Variants in WDR7 observed in about 807,000 individuals in gnomAD.
WDR7 encodes WD repeat-containing protein 7.
WDR7 carries 46 observed loss-of-function variants against 169.4 expected under a neutral mutation model. That is an observed-to-expected ratio of 0.27 (90% CI 0.21 to 0.35). The LOEUF (loss-of-function observed/expected upper bound fraction) is 0.35. Ranked by LOEUF, WDR7 falls within the 10% of genes least tolerant of loss-of-function variation. WDR7 has a pLI of 1.00. For synonymous variants in WDR7, 612 were observed against 666.8 expected, an observed-to-expected ratio of 0.92 and a Z score of 1.27; for missense variants, 1,534 against 1,859.3, an observed-to-expected ratio of 0.83 and a Z score of 3.22.
intron 20 of WDR7, among the ~76,000 whole-genome samples, chr18:56,816,685 C>T (rs2044976817): frequency 6.6e-6 from 1 of 151,600 alleles, no homozygotes; most frequent in Non-Finnish European, 1.5e-5. Flanking sequence ...TTTTAGGAAA[C>T]TCACACACTA....
chr18:56,967,864 C>T (rs1191061076), intron 26 of WDR7, among the ~76,000 whole-genome samples: 1 of 152,138 alleles, frequency 6.6e-6, no homozygotes, highest in African/African-American at 2.4e-5. Flanking sequence ...CTTGTAACAT[C>T]TAATACTATG....
At chr18:56,968,319 TA>T (rs985687086) in intron 26 of WDR7, among the ~76,000 whole-genome samples, 4 of 151,930 alleles carry the variant, frequency 2.6e-5, no homozygotes, top group African/African-American at 7.3e-5. Context: ...GGCTTTAGAA[TA>T]AAAAAAACTT....
At chr18:57,012,242 C>G (rs899249553) in intron 26 of WDR7, among the ~76,000 whole-genome samples, 1 of 152,100 alleles carries the variant, frequency 6.6e-6, no homozygotes, top group African/African-American at 2.4e-5. Flanking sequence ...CCTGCCTCAC[C>G]CCACACGAAG....
At chr18:56,997,736 A>C (rs2047918022) in intron 26 of WDR7, among the ~76,000 whole-genome samples, 1 of 152,132 alleles carries the variant, frequency 6.6e-6, no homozygotes, top group African/African-American at 2.4e-5. Flanking sequence ...TTTTCAGAAG[A>C]AAGATGAATA....
chr18:56,900,726 G>A (rs2046390752), intron 21 of WDR7, among the ~76,000 whole-genome samples: 1 of 152,124 alleles, frequency 6.6e-6, no homozygotes, highest in Admixed American at 6.6e-5. Flanking sequence ...GAGGCAGCTT[G>A]TTGCTAATCT....
chr18:56,709,942 G>A (rs1294132781), intron 12 of WDR7, among the ~76,000 whole-genome samples: 2 of 150,816 alleles, frequency 1.3e-5, no homozygotes, highest in African/African-American at 4.9e-5. Flanking sequence ...TAACTAAGAA[G>A]GTAAAAGGTC....
At chr18:56,952,356 A>G (rs1036819530) in intron 25 of WDR7, among the ~76,000 whole-genome samples, 5 of 152,230 alleles carry the variant, frequency 3.3e-5, no homozygotes, top group Non-Finnish European at 5.9e-5. Flanking sequence ...ACTCCAAAAT[A>G]TTAAAATTTT....
intron 1 of WDR7, among the ~76,000 whole-genome samples, chr18:56,664,917 A>G (rs551865520): frequency 6.6e-6 from 1 of 152,334 alleles, no homozygotes; most frequent in Middle Eastern, 3.4e-3. Context: ...TGAAAATATT[A>G]TAGGCTAAAG....
At chr18:56,904,807 T>C (rs1036535947) in intron 21 of WDR7, among the ~76,000 whole-genome samples, 1 of 152,104 alleles carries the variant, frequency 6.6e-6, no homozygotes, top group Admixed American at 6.6e-5. Context: ...TCCCTGAAAA[T>C]GCCAGAATCT....
chr18:56,816,592 T>TAA (rs2044975201), intron 20 of WDR7, among the ~76,000 whole-genome samples: 2 of 152,344 alleles, frequency 1.3e-5, no homozygotes, highest in African/African-American at 4.8e-5. Flanking sequence ...TGAATGCTGC[T>TAA]TTTTAATTGT....
At chr18:57,009,649 A>G (rs564308985) in intron 26 of WDR7, among the ~76,000 whole-genome samples, 39 of 152,332 alleles carry the variant, frequency 2.6e-4, no homozygotes, top group Non-Finnish European at 5.1e-4. Context: ...ATAAACATGA[A>G]TCCAAAGGTA....
intron 20 of WDR7, among the ~76,000 whole-genome samples, chr18:56,862,895 T>C (rs1301941616): frequency 3.3e-5 from 5 of 151,858 alleles, no homozygotes; most frequent in African/African-American, 4.8e-5. Flanking sequence ...TCAGGATAAG[T>C]TGCAACTTAG....
chr18:56,786,688 A>G (rs1266819289), intron 19 of WDR7, among the ~76,000 whole-genome samples: 1 of 151,740 alleles, frequency 6.6e-6, no homozygotes, highest in Non-Finnish European at 1.5e-5. Flanking sequence ...TTGCTGCTTA[A>G]TTTCTGATAG....
intron 12 of WDR7, among the ~76,000 whole-genome samples, chr18:56,700,400 G>T (rs1430448562): frequency 6.6e-6 from 1 of 150,734 alleles, no homozygotes; most frequent in African/African-American, 2.4e-5. Context: ...GGGAATAAAG[G>T]CATGTGCCAC....
chr18:56,694,533 C>A, intron 9 of WDR7, 86 bp from the exon 10 acceptor site: 1 of 1,354,630 alleles, frequency 7.4e-7, no homozygotes, highest in Non-Finnish European at 1.0e-6. Flanking sequence ...GACAAATTAC[C>A]TAATATCTTT....
At chr18:56,836,323 C>G (rs1188718766) in intron 20 of WDR7, among the ~76,000 whole-genome samples, 3 of 152,168 alleles carry the variant, frequency 2.0e-5, no homozygotes, top group African/African-American at 7.2e-5. Context: ...GCAACCAGCC[C>G]CTACCTCACT....
At chr18:56,702,280 A>G (rs1041012931) in intron 12 of WDR7, among the ~76,000 whole-genome samples, 1 of 152,066 alleles carries the variant, frequency 6.6e-6, no homozygotes, top group Non-Finnish European at 1.5e-5. Flanking sequence ...TCCTTTTATT[A>G]TAGATTTTAG....
chr18:56,974,362 C>CCTTTTTTTT (rs754053234), intron 26 of WDR7, among the ~76,000 whole-genome samples: 1 of 111,816 alleles, frequency 8.9e-6, no homozygotes, highest in East Asian at 2.4e-4. Flanking sequence ...GCTTTTCTTG[C>CCTTTTTTTT]TTTTTTTTTT....
rs578110721 is a variant in WDR7 at position 56,770,872 on chromosome 18, T to C, written c.2849-5910T>C. Among the ~76,000 whole-genome samples the C allele has an allele frequency of 3.7e-4, 56 of 152,334 alleles. 1 individual carries two copies. The highest frequency in any genetic ancestry group is 1.7e-3 in the Admixed American group (26 of 15,300). Reference sequence around the variant, plus strand: ...TAAACGTGTTCAGTTGGTGGTTTCCTATCTAATGGAAAGGGTCTATATTAT... The same window carrying C: ...TAAACGTGTTCAGTTGGTGGTTTCCCATCTAATGGAAAGGGTCTATATTAT... On this transcript the variant is annotated intron_variant, in intron 16 of 27. Coordinates refer to ENST00000254442, the MANE Select transcript of WDR7 (RefSeq NM_015285.3).
Sources: allele counts gnomAD v4.1 joint callset (sites outside exome capture counted in the v4.1 genomes callset), GRCh38; gene constraint gnomAD v4.1.1; transcripts MANE v1.5; gene names NCBI Gene and HGNC (gene_info 2026-07-23, HGNC 2026-07-21).